The following NGEF variants were observed in gnomAD, a reference collection of about 807,000 sequenced individuals.
NGEF encodes neuronal guanine nucleotide exchange factor.
NGEF carries 31 observed loss-of-function variants against 80.9 expected under a neutral mutation model. That is an observed-to-expected ratio of 0.38 (90% confidence interval 0.29 to 0.52). NGEF has a LOEUF of 0.52. Ranked by LOEUF, NGEF falls within the 20% of genes least tolerant of loss-of-function variation. NGEF has a pLI of 0.84. For missense variants in NGEF, 709 were observed against 926.2 expected (o/e 0.77, Z 3.04); for synonymous variants, 371 against 370.2 (o/e 1.00, Z -0.03).
At chr2:232,903,317 T>C (rs1311229948) in intron 5 of NGEF, among the ~76,000 whole-genome samples, 1 of 152,142 alleles carries the variant, frequency 6.6e-6, no homozygotes, top group African/African-American at 2.4e-5. Flanking sequence ...TTAAATACAT[T>C]ATGGAACATC....
At chr2:232,925,447 AG>A (rs1465122321) in intron 4 of NGEF, among the ~76,000 whole-genome samples, 1 of 152,162 alleles carries the variant, frequency 6.6e-6, no homozygotes, top group African/African-American at 2.4e-5. Flanking sequence ...AGGGGGTAGC[AG>A]GAGGAAAGAC....
At chr2:232,965,716 G>A (rs1393088780) in intron 3 of NGEF, among the ~76,000 whole-genome samples, 1 of 152,136 alleles carries the variant, frequency 6.6e-6, no homozygotes, top group African/African-American at 2.4e-5. Context: ...CTCCACAGCA[G>A]GTGTATCATG....
chr2:232,970,683 C>T (rs1245582335), intron 2 of NGEF, among the ~76,000 whole-genome samples: 4 of 151,978 alleles, frequency 2.6e-5, no homozygotes, highest in South Asian at 2.1e-4. Context: ...GGTGTGGTAG[C>T]GGATGCCTGT....
At chr2:232,932,844 C>G (rs1415558174) in intron 3 of NGEF, among the ~76,000 whole-genome samples, 1 of 151,974 alleles carries the variant, frequency 6.6e-6, no homozygotes, top group Non-Finnish European at 1.5e-5. Context: ...TGGCTCACAC[C>G]TTTAATCCCA....
At chr2:232,991,351 CAAAA>C (rs889162884) in intron 1 of NGEF, among the ~76,000 whole-genome samples, 1 of 149,772 alleles carries the variant, frequency 6.7e-6, no homozygotes, top group Non-Finnish European at 1.5e-5. Flanking sequence ...TAAAAAAAAA[CAAAA>C]AACCCCAGAA....
chr2:232,971,701 A>AAACC (rs1376560986), intron 2 of NGEF, among the ~76,000 whole-genome samples: 1 of 152,128 alleles, frequency 6.6e-6, no homozygotes, highest in African/African-American at 2.4e-5. Flanking sequence ...ACAAACAAAC[A>AAACC]ACCCCTGCAA....
intron 5 of NGEF, chr2:232,901,512 G>T (rs1692356603): frequency 4.4e-6 from 4 of 900,188 alleles, no homozygotes; most frequent in Non-Finnish European, 5.3e-6. Context: ...CGTTGTTGCA[G>T]CTGCGTCACC....
At chr2:232,895,484 G>A (rs549319233) in intron 5 of NGEF, among the ~76,000 whole-genome samples, 33 of 150,026 alleles carry the variant, frequency 2.2e-4, no homozygotes, top group East Asian at 2.2e-3. Flanking sequence ...CCCAGATCAC[G>A]CCACTGCACT....
chr2:232,918,159 C>T (rs1449655242), intron 5 of NGEF, among the ~76,000 whole-genome samples: 4 of 152,132 alleles, frequency 2.6e-5, no homozygotes, highest in Admixed American at 6.5e-5. Flanking sequence ...GGTTTCACCA[C>T]ATTTGCCAGG....
Position 232,993,643 on chromosome 2 carries a change from T to C in NGEF, c.-74-18679A>G, listed in dbSNP as rs79486283. Among the ~76,000 whole-genome samples, 1,289 of 152,280 alleles carry C rather than the reference T, an allele frequency of 8.5e-3. 22 individuals carry two copies. The highest frequency in any genetic ancestry group is 0.03 in the African/African-American group (1,229 of 41,552). ...CACGTGTTTATAGCAGCATGAGTCA[T>C]AACTGGCAAAAAGTGAAAACACCAA... On this transcript the variant is annotated intron_variant, in intron 1 of 14. Coordinates refer to ENST00000264051, the MANE Select transcript of NGEF (RefSeq NM_019850.3).
intron 4 of NGEF, among the ~76,000 whole-genome samples, chr2:232,921,861 AG>A (rs2106277987): frequency 6.6e-6 from 1 of 152,258 alleles, no homozygotes; most frequent in African/African-American, 2.4e-5. Flanking sequence ...CTTGCACTGA[AG>A]GACTGGGAAG....
Position 232,899,976 on chromosome 2 carries a change from A to C in NGEF, c.829-5060T>G, listed in dbSNP as rs2592108. ...TGCTCTCACAGTCACTCATATACAC[A>C]TTCACTCATTCACTCACACACGCTC... is the stretch of plus-strand genomic sequence containing the variant. On this transcript the variant is annotated intron_variant, in intron 5 of 14. Coordinates refer to ENST00000264051, the MANE Select transcript of NGEF (RefSeq NM_019850.3). Among the ~76,000 whole-genome samples the C allele has an allele frequency of 7.9e-5, 7 of 89,074 alleles. 2 individuals are homozygous for C. Among genetic ancestry groups the C allele is most frequent in the Non-Finnish European group, 1.4e-4 (7 of 48,442 alleles). The allele number at this position is 89,074 out of a possible 152,430, so 58.4% of individuals were successfully genotyped here.
chr2:232,901,545 G>C (rs1280089792), intron 5 of NGEF: 2 of 610,016 alleles, frequency 3.3e-6, no homozygotes, highest in South Asian at 7.2e-5. Context: ...GCGGGGGTCG[G>C]AGCCAAAGGC....
intron 3 of NGEF, among the ~76,000 whole-genome samples, chr2:232,947,961 T>C (rs1289975958): frequency 6.6e-6 from 1 of 152,242 alleles, no homozygotes; most frequent in African/African-American, 2.4e-5. Context: ...CACATACTTA[T>C]AGGGTACATG....
intron 3 of NGEF, among the ~76,000 whole-genome samples, chr2:232,961,739 G>A (rs534540723): frequency 1.2e-3 from 179 of 152,156 alleles, no homozygotes; most frequent in South Asian, 2.1e-3. Flanking sequence ...CTCGTGATCT[G>A]CCCGCCTTGG....
intron 14 of NGEF, among the ~76,000 whole-genome samples, chr2:232,880,237 G>A (rs947701671): frequency 1.1e-4 from 17 of 152,326 alleles, no homozygotes; most frequent in Middle Eastern, 3.4e-3. Flanking sequence ...TAGTCTCAGC[G>A]TCAACTGGCT....
chr2:232,929,575 G>C (rs987736889), intron 3 of NGEF, among the ~76,000 whole-genome samples: 1 of 152,262 alleles, frequency 6.6e-6, no homozygotes, highest in Admixed American at 6.5e-5. Context: ...TGCCCTTAAG[G>C]CCTGAGAATA....
intron 8 of NGEF, among the ~76,000 whole-genome samples, chr2:232,889,026 C>T (rs1691794855): frequency 6.6e-6 from 1 of 152,152 alleles, no homozygotes; most frequent in Non-Finnish European, 1.5e-5. Flanking sequence ...TGCTGGGTGC[C>T]ACGGCAGCAC....
chr2:232,955,643 C>T (rs541838551), intron 3 of NGEF, among the ~76,000 whole-genome samples: 34 of 152,272 alleles, frequency 2.2e-4, no homozygotes, highest in East Asian at 9.7e-4. Flanking sequence ...CTCAGCCTCC[C>T]GAGTAGCTGG....
Sources: allele counts gnomAD v4.1 joint callset (sites outside exome capture counted in the v4.1 genomes callset), GRCh38; gene constraint gnomAD v4.1.1; transcripts MANE v1.5; gene names NCBI Gene and HGNC (gene_info 2026-07-23, HGNC 2026-07-21).